Variants in ZNRF3 observed in about 807,000 individuals in gnomAD.
The protein encoded by ZNRF3 is zinc and ring finger 3, also known as E3 ubiquitin-protein ligase ZNRF3.
ZNRF3 carries 23 observed loss-of-function variants against 72.5 expected under a neutral mutation model. The observed-to-expected ratio is 0.32, with a 90% CI of 0.23 to 0.45. The LOEUF (loss-of-function observed/expected upper bound fraction) is 0.45. ZNRF3 is among the 20% of genes least tolerant of loss of function. The pLI is 1.00. For synonymous variants in ZNRF3, 610 were observed against 545.3 expected (o/e 1.12, Z -1.65); for missense variants, 1,169 against 1,272.1 (o/e 0.92, Z 1.23).
intron 1 of ZNRF3, among the ~76,000 whole-genome samples, chr22:28,962,523 T>A (rs1462876373): frequency 6.6e-6 from 1 of 152,208 alleles, no homozygotes; most frequent in African/African-American, 2.4e-5. Flanking sequence ...TTATACTGAC[T>A]CTCGTAGAGG....
At chr22:29,046,961 A>C in intron 6 of ZNRF3, 78 bp downstream of exon 6, 1 of 1,334,288 alleles carries the variant, frequency 7.5e-7, no homozygotes. Flanking sequence ...CTAGAAGGAC[A>C]GGGCCCTGTG....
chr22:28,951,203 A>G (rs994185954), intron 1 of ZNRF3, among the ~76,000 whole-genome samples: 5 of 152,150 alleles, frequency 3.3e-5, no homozygotes, highest in African/African-American at 7.2e-5. Flanking sequence ...TGGTTCTCCT[A>G]AGGGCCCTCT....
intron 1 of ZNRF3, among the ~76,000 whole-genome samples, chr22:28,885,901 C>G (rs1462349720): frequency 1.3e-5 from 2 of 150,256 alleles, no homozygotes; most frequent in Non-Finnish European, 2.9e-5. Context: ...AAGTGCTTAT[C>G]TAACTCTTTT....
intron 1 of ZNRF3, among the ~76,000 whole-genome samples, chr22:28,965,814 G>A (rs114123888): frequency 0.027 from 4,076 of 152,262 alleles, 118 homozygotes; most frequent in African/African-American, 0.074. Context: ...TTAGGAATAC[G>A]CAAGTGTTGG....
intron 1 of ZNRF3, among the ~76,000 whole-genome samples, chr22:28,922,080 A>T: frequency 6.6e-6 from 1 of 152,192 alleles, no homozygotes; most frequent in Admixed American, 6.5e-5. Context: ...TTTATACAGT[A>T]TTTTTAATAA....
intron 1 of ZNRF3, among the ~76,000 whole-genome samples, chr22:28,894,899 G>A (rs2033961533): frequency 6.6e-6 from 1 of 152,148 alleles, no homozygotes; most frequent in Admixed American, 6.6e-5. Flanking sequence ...GGCATCAGTG[G>A]GTCCACAGTC....
In ZNRF3 at chr22:29,035,885, C is replaced by T. The variant is rs146119549; in HGVS notation, c.427-6610C>T. Among the ~76,000 whole-genome samples, 371 of 152,152 alleles carry T rather than the reference C, an allele frequency of 2.4e-3. 1 individual carries two copies. Among genetic ancestry groups the T allele is most frequent in the African/African-American group, 8.5e-3 (351 of 41,516 alleles). On this transcript the variant is annotated intron_variant, in intron 2 of 8. Transcript: ENST00000544604. ...GTGAGCCACTGCGCCCGGCCTTAAA[C>T]GATTTTTAACAGCTGGGGTCTATGT...
intron 1 of ZNRF3, among the ~76,000 whole-genome samples, chr22:28,969,275 A>G (rs1417316049): frequency 6.6e-6 from 1 of 152,252 alleles, no homozygotes; most frequent in Admixed American, 6.5e-5. Flanking sequence ...CTGTGGCTTC[A>G]GCATTCATCT....
At chr22:29,037,038 G>GA (rs1330822055) in intron 2 of ZNRF3, among the ~76,000 whole-genome samples, 1 of 152,136 alleles carries the variant, frequency 6.6e-6, no homozygotes, top group African/African-American at 2.4e-5. Context: ...CAGGAATGTG[G>GA]GACAAATGAG....
chr22:29,018,898 A>T (rs924715078), intron 2 of ZNRF3, among the ~76,000 whole-genome samples: 1 of 151,198 alleles, frequency 6.6e-6, no homozygotes, highest in Admixed American at 6.6e-5. Flanking sequence ...ATTGCTCATG[A>T]TTCTGTGGGT....
intron 1 of ZNRF3, among the ~76,000 whole-genome samples, chr22:28,925,948 C>T (rs2034592526): frequency 6.6e-6 from 1 of 152,200 alleles, no homozygotes; most frequent in South Asian, 2.1e-4. Flanking sequence ...TACTGCCTCC[C>T]CGCTAACCAA....
At chr22:29,044,717 C>A in intron 4 of ZNRF3, 63 bp from the exon 5 acceptor site, 1 of 1,135,324 alleles carries the variant, frequency 8.8e-7, no homozygotes, top group Non-Finnish European at 1.3e-6. Flanking sequence ...GCCAAGATAG[C>A]CCATGTGCCG....
chr22:28,948,403 T>G (rs2035093424), intron 1 of ZNRF3, among the ~76,000 whole-genome samples: 1 of 152,144 alleles, frequency 6.6e-6, no homozygotes, highest in African/African-American at 2.4e-5. Flanking sequence ...TGGCTTCAAG[T>G]GATCCTCCCA....
At chr22:28,979,612 GTTAA>G (rs2035730828) in intron 1 of ZNRF3, among the ~76,000 whole-genome samples, 1 of 152,232 alleles carries the variant, frequency 6.6e-6, no homozygotes, top group South Asian at 2.1e-4. Context: ...CATGCAGCAA[GTTAA>G]TTAAATCCTG....
At chr22:28,909,984 CCTG>C (rs2034287137) in intron 1 of ZNRF3, among the ~76,000 whole-genome samples, 1 of 151,886 alleles carries the variant, frequency 6.6e-6, no homozygotes, top group South Asian at 2.1e-4. Context: ...AAATGATCTT[CCTG>C]CCACTGCACC....
intron 1 of ZNRF3, among the ~76,000 whole-genome samples, chr22:28,938,795 T>C (rs2034888006): frequency 6.6e-6 from 1 of 151,900 alleles, no homozygotes; most frequent in African/African-American, 2.4e-5. Flanking sequence ...TACATTAGAG[T>C]TTGTAAGATG....
At chr22:28,945,863 A>G (rs2035044920) in intron 1 of ZNRF3, among the ~76,000 whole-genome samples, 1 of 152,198 alleles carries the variant, frequency 6.6e-6, no homozygotes, top group Non-Finnish European at 1.5e-5. Flanking sequence ...TGTGTGGCAT[A>G]CACAGAAAAA....
chr22:28,949,766 C>T (rs1031727415), intron 1 of ZNRF3, among the ~76,000 whole-genome samples: 6 of 152,158 alleles, frequency 3.9e-5, no homozygotes, highest in Admixed American at 2.0e-4. Flanking sequence ...TGAGAAAATG[C>T]CTGCCCTGCA....
intron 6 of ZNRF3, among the ~76,000 whole-genome samples, chr22:29,047,085 C>CT (rs1569295340): frequency 6.6e-6 from 1 of 152,094 alleles, no homozygotes; most frequent in Non-Finnish European, 1.5e-5. Flanking sequence ...ATATCCCTCA[C>CT]TTTTTTTTCT....
Sources: gnomAD v4.1 joint callset for allele counts (sites outside exome capture counted in the v4.1 genomes callset) on GRCh38, gnomAD v4.1.1 for gene constraint, MANE v1.5 for transcripts, NCBI Gene and HGNC (gene_info 2026-07-23, HGNC 2026-07-21) for gene names.